NECAB2: variants seen among roughly 807,000 people sequenced by gnomAD.
The protein encoded by NECAB2 is N-terminal EF-hand calcium-binding protein 2.
NECAB2 carries 68 observed loss-of-function variants against 51.9 expected under a neutral mutation model. The observed-to-expected ratio is 1.31, with a 90% confidence interval of 1.08 to 1.60. The LOEUF (loss-of-function observed/expected upper bound fraction) is 1.60, where lower values mean the gene tolerates loss of function less well. Among genes scored for constraint, NECAB2 ranks in the 40% most tolerant of loss-of-function variants. The pLI is 0.00. For missense variants in NECAB2, 854 were observed against 490.3 expected, an observed-to-expected ratio of 1.74 and a Z score of -7.00; for synonymous variants, 329 against 203.5, an observed-to-expected ratio of 1.62 and a Z score of -5.25.
chr16:83,992,205 G>GGT (rs59421355), intron 6 of NECAB2, among the ~76,000 whole-genome samples: 48,429 of 151,778 alleles, frequency 0.32, 13,865 homozygotes, highest in African/African-American at 0.77. Flanking sequence ...AAAGAGGAGT[G>GGT]TTTCTTTCTG....
chr16:84,001,588 A>G (rs980232864), intron 11 of NECAB2, among the ~76,000 whole-genome samples: 1 of 152,090 alleles, frequency 6.6e-6, no homozygotes, highest in Non-Finnish European at 1.5e-5. Context: ...CTGTGCAATG[A>G]GTGGGGGGAT....
rs144893824 is a variant in NECAB2, at chr16:84,002,688, A to T, written c.*342A>T. 2.7e-6 allele frequency: 1 copy of T among 373,482 alleles called. No homozygotes were observed. The highest frequency in any genetic ancestry group is 2.1e-5 in the African/African-American group (1 of 48,500). 23.1% of individuals were successfully genotyped at this position (373,482 alleles called of 1,614,324 possible). On this transcript the variant is annotated 3_prime_UTR_variant, in exon 13 of 13. Coordinates refer to ENST00000305202, the MANE Select transcript of NECAB2 (RefSeq NM_019065.3). Reference sequence around the variant, plus strand: ...CTGCCCTCTTCGGTGACATTCTTCTACCTAGTAGGAGTCATGCCCCTGTAG... The same window carrying T: ...CTGCCCTCTTCGGTGACATTCTTCTTCCTAGTAGGAGTCATGCCCCTGTAG...
intron 1 of NECAB2, among the ~76,000 whole-genome samples, chr16:83,969,907 C>G (rs907632928): frequency 1.3e-5 from 2 of 152,198 alleles, no homozygotes; most frequent in African/African-American, 4.8e-5. Context: ...CTTCCCTGCT[C>G]CTGGAACCCT....
intron 5 of NECAB2, among the ~76,000 whole-genome samples, chr16:83,989,293 G>A (rs1440405060): frequency 6.6e-6 from 1 of 152,150 alleles, no homozygotes; most frequent in Non-Finnish European, 1.5e-5. Context: ...CTCTGTCAGG[G>A]TCTGTCCCCA....
intron 9 of NECAB2, 33 bp from the exon 10 acceptor site, chr16:83,998,172 G>T (rs376276003): frequency 6.3e-7 from 1 of 1,595,012 alleles, no homozygotes; most frequent in Non-Finnish European, 8.5e-7. Context: ...GCCTGACGTG[G>T]AGCCCCACAC....
rs752641694 is a variant in NECAB2, at chr16:83,994,431, G to T, written c.715+11G>T. ...AGACCCTTCCATCTGGTGAGAGAAA[G>T]CGGGGGCCCTGGTGGGGGTACCAGC... On this transcript the variant is annotated intron_variant, in intron 7 of 12. Transcript: ENST00000305202. The T allele has an allele frequency of 2.3e-5, 37 of 1,613,510 alleles. No homozygotes were observed. The highest frequency in any genetic ancestry group is 1.7e-6 in the Non-Finnish European group (2 of 1,179,568).
intron 12 of NECAB2, 80 bp from the exon 13 acceptor site, chr16:84,002,238 G>A: frequency 1.3e-6 from 2 of 1,536,306 alleles, no homozygotes; most frequent in Non-Finnish European, 1.8e-6. Flanking sequence ...CCCCCGACCT[G>A]TCATTCAAGA....
At chr16:83,983,346 T>G (rs1207345532) in intron 5 of NECAB2, among the ~76,000 whole-genome samples, 4 of 152,198 alleles carry the variant, frequency 2.6e-5, no homozygotes, top group Non-Finnish European at 5.9e-5. Flanking sequence ...GTCTATCCTG[T>G]GGCATTTCTC....
intron 2 of NECAB2, among the ~76,000 whole-genome samples, chr16:83,976,009 C>T (rs547739717): frequency 1.6e-4 from 25 of 152,200 alleles, no homozygotes; most frequent in Admixed American, 1.6e-3. Flanking sequence ...CCTCTGTCTG[C>T]CTGCTCTCCC....
chr16:83,966,917 C>T (rs534079445), upstream of NECAB2, among the ~76,000 whole-genome samples: 1 of 152,132 alleles, frequency 6.6e-6, no homozygotes, highest in South Asian at 2.1e-4. Context: ...CATTTTGTCA[C>T]CCAGGCTGGA....
At chr16:84,000,592 G>A (rs539134406) in intron 10 of NECAB2, 132 bp from the exon 11 acceptor site, 1 of 667,630 alleles carries the variant, frequency 1.5e-6, no homozygotes, top group Admixed American at 2.6e-5. Flanking sequence ...TCTCGATGGA[G>A]GTCAAGACAG....
rs2084316910 is a variant in NECAB2 at position 83,968,750 on chromosome 16, G to A, written c.102G>A (p.Val34=). 4.6e-6 allele frequency: 5 copies of A among 1,075,378 alleles called. No homozygotes were observed. Among genetic ancestry groups the A allele is most frequent in the Non-Finnish European group, 5.6e-6 (5 of 889,878 alleles). The allele number at this position is 1,075,378 out of a possible 1,614,324, so 66.6% of individuals were successfully genotyped here. The change falls in exon 1 of 13, where the codon GTG becomes GTA. Residue 34 remains valine (V), a synonymous_variant. Transcript: ENST00000305202. ...CGCTGGGCGGGCTGCTGCGCTGGGTGGGCGCCAGGATGGGCGAGCCCCGGG... is the reference window on the plus strand; with the variant it reads ...CGCTGGGCGGGCTGCTGCGCTGGGTAGGCGCCAGGATGGGCGAGCCCCGGG... ...GRALGGLLRW[V]GARMGEPRES...
At chr16:83,989,663 G>A (rs1019089924) in intron 5 of NECAB2, among the ~76,000 whole-genome samples, 7 of 152,134 alleles carry the variant, frequency 4.6e-5, no homozygotes, top group Admixed American at 6.5e-5. Flanking sequence ...GTCCTTGAGC[G>A]ACGTGGGTAA....
At chr16:83,975,123 G>GGGTGC (rs2084393170) in intron 2 of NECAB2, among the ~76,000 whole-genome samples, 1 of 133,530 alleles carries the variant, frequency 7.5e-6, no homozygotes, top group African/African-American at 2.9e-5. Flanking sequence ...GGTGTGCAGG[G>GGGTGC]AGGTGTGCAG....
At chr16:83,971,940 C>T (rs1387676532) in intron 1 of NECAB2, 5 of 635,686 alleles carry the variant, frequency 7.9e-6, no homozygotes, top group East Asian at 2.8e-5. Flanking sequence ...GCCGCTTCCA[C>T]GTGGGTGAGG....
At chr16:83,998,639 C>T (rs940388884) in intron 10 of NECAB2, among the ~76,000 whole-genome samples, 8 of 152,186 alleles carry the variant, frequency 5.3e-5, no homozygotes, top group African/African-American at 1.9e-4. Flanking sequence ...CCAGCTGGGC[C>T]TGGTGTGCCC....
At chr16:83,991,072 C>T (rs1333050768) in intron 6 of NECAB2, among the ~76,000 whole-genome samples, 2 of 152,138 alleles carry the variant, frequency 1.3e-5, no homozygotes, top group Non-Finnish European at 2.9e-5. Flanking sequence ...ACCTCTCCCT[C>T]CCTGGGTTCA....
chr16:84,002,324 G>C lies in NECAB2; in HGVS notation c.1139G>C (p.Trp380Ser), dbSNP rs2084854493. 2 of 1,613,800 alleles carry C rather than the reference G, an allele frequency of 1.2e-6. No individual in the cohort carries two copies. Among genetic ancestry groups the C allele is most frequent in the East Asian group, 2.2e-5 (1 of 44,864 alleles). ...CGTGTCTCTCTCCTTTTAGCTGCTT[G>C]GTGCACGGTGGGACGGGACTGACAG... Reference protein sequence around the residue: ...ALSRILVPAAWCTVGRD With the variant: ...ALSRILVPAASCTVGRD The change falls in exon 13 of 13, where the codon TGG (tryptophan) becomes TCG (serine). Residue 380 changes from tryptophan (W) to serine (S), a missense_variant. Coordinates refer to ENST00000305202, the MANE Select transcript of NECAB2 (RefSeq NM_019065.3).
chr16:83,968,910 G>A (rs1399960221), intron 1 of NECAB2, 61 bp downstream of exon 1: 2 of 1,006,056 alleles, frequency 2.0e-6, no homozygotes, highest in Non-Finnish European at 2.4e-6. Flanking sequence ...AGCCCCCTCC[G>A]CCCCTCGGGC....
Sources: gnomAD v4.1 joint callset for allele counts (sites outside exome capture counted in the v4.1 genomes callset) on GRCh38, gnomAD v4.1.1 for gene constraint, MANE v1.5 for transcripts, NCBI Gene and HGNC (gene_info 2026-07-23, HGNC 2026-07-21) for gene names.